SYT6: variants seen among roughly 807,000 people sequenced by gnomAD.
The protein encoded by SYT6 is synaptotagmin-6.
In SYT6, 24 loss-of-function variants were observed where a neutral mutation model predicts 38.4. The ratio of observed to expected loss-of-function variants is 0.62; its 90% CI spans 0.45 to 0.88. SYT6 has a LOEUF of 0.88. Among genes scored for constraint, SYT6 ranks in the 40% least tolerant of loss-of-function variants. The probability of loss-of-function intolerance (pLI) is 0.00; values close to 1 mark genes in which losing one functional copy is unlikely to be tolerated. For synonymous variants in SYT6, 265 were observed against 241.9 expected (o/e 1.10, Z -0.89); for missense variants, 611 against 621.0 (o/e 0.98, Z 0.17).
At chr1:114,151,994 G>A (rs1467651833) in intron 1 of SYT6, among the ~76,000 whole-genome samples, 2 of 152,080 alleles carry the variant, frequency 1.3e-5, no homozygotes, top group Non-Finnish European at 2.9e-5. Context: ...GCCACAACTA[G>A]GGACAGCAGC....
chr1:114,115,895 C>T (rs1252272932), intron 3 of SYT6, among the ~76,000 whole-genome samples: 1 of 152,098 alleles, frequency 6.6e-6, no homozygotes, highest in African/African-American at 2.4e-5. Flanking sequence ...TCCATCCCAC[C>T]CAGCCTCCTC....
At chr1:114,139,551 C>T (rs1678723641) in intron 2 of SYT6, 64 bp downstream of exon 2, 5 of 1,597,506 alleles carry the variant, frequency 3.1e-6, no homozygotes, top group Non-Finnish European at 8.5e-7. Context: ...GGCTGGAATC[C>T]CATAGATGTA....
At chr1:114,132,105 G>GACCATAAGTAAGTTTACATATGTAAAC (rs1176677654) in intron 3 of SYT6, among the ~76,000 whole-genome samples, 19 of 152,222 alleles carry the variant, frequency 1.2e-4, no homozygotes, top group Non-Finnish European at 2.1e-4. Context: ...TATGGGGGAT[G>GACCATAAGTAAGTTTACATATGTAAAC]ACCATAAGTG....
chr1:114,148,859 G>A (rs1679290995), intron 1 of SYT6, among the ~76,000 whole-genome samples: 1 of 152,108 alleles, frequency 6.6e-6, no homozygotes, highest in African/African-American at 2.4e-5. Context: ...GAGAAGAGCT[G>A]GGATTTGAAC....
At chr1:114,113,771 C>T (rs564051243) in intron 3 of SYT6, among the ~76,000 whole-genome samples, 46 of 152,286 alleles carry the variant, frequency 3.0e-4, no homozygotes, top group African/African-American at 1.1e-3. Context: ...TCCCTGCTTC[C>T]CTTGCTCTCC....
rs1337762157 is a variant in SYT6 at position 114,137,880 on chromosome 1, C to A, written c.686G>T (p.Ser229Ile). 5 of 1,613,978 alleles carry A rather than the reference C, an allele frequency of 3.1e-6. No homozygotes were observed. Reference protein sequence around the residue: ...GEDAKSEATKSCGKINFSLRY... With the variant: ...GEDAKSEATKICGKINFSLRY... ...TAGGCTGAAGTTGATCTTCCCGCAG[C>A]TCTTGGTGGCCTCAGACTTGGCATC... is the stretch of plus-strand genomic sequence containing the variant. Residue 229 changes from serine to isoleucine, a missense_variant, in exon 3 of 8, where the codon AGC becomes ATC. By Grantham distance (142) the Ser-to-Ile change is moderately radical. Transcript: ENST00000610222.
intron 7 of SYT6, 103 bp downstream of exon 7, chr1:114,093,632 C>T: frequency 2.7e-6 from 3 of 1,105,180 alleles, no homozygotes; most frequent in Non-Finnish European, 1.3e-6. Context: ...GTGTTCTTTC[C>T]ACTCCATCCT....
chr1:114,135,282 G>T (rs1678409229), intron 3 of SYT6, among the ~76,000 whole-genome samples: 1 of 152,098 alleles, frequency 6.6e-6, no homozygotes, highest in Admixed American at 6.5e-5. Flanking sequence ...TCATCAAGGA[G>T]ACCTTCACCA....
intron 3 of SYT6, among the ~76,000 whole-genome samples, chr1:114,119,266 T>C (rs1677224114): frequency 6.6e-6 from 1 of 152,224 alleles, no homozygotes. Flanking sequence ...CAGGCTAAGC[T>C]GGAATCCCTT....
At chr1:114,131,200 A>G (rs1678124180) in intron 3 of SYT6, among the ~76,000 whole-genome samples, 1 of 152,190 alleles carries the variant, frequency 6.6e-6, no homozygotes, top group Non-Finnish European at 1.5e-5. Flanking sequence ...AGTTGAAGTC[A>G]TATTCCCAGC....
At chr1:114,122,932 C>T (rs1014828084) in intron 3 of SYT6, among the ~76,000 whole-genome samples, 3 of 152,212 alleles carry the variant, frequency 2.0e-5, no homozygotes, top group African/African-American at 4.8e-5. Context: ...AATGCCTGTC[C>T]GGGCCCTGCC....
intron 1 of SYT6, among the ~76,000 whole-genome samples, chr1:114,151,252 C>T (rs1386888081): frequency 6.6e-6 from 1 of 152,198 alleles, no homozygotes; most frequent in Non-Finnish European, 1.5e-5. Flanking sequence ...GGGTCTGCTC[C>T]TGCCTCCCCA....
At chr1:114,122,732 A>C (rs1677491390) in intron 3 of SYT6, among the ~76,000 whole-genome samples, 1 of 152,162 alleles carries the variant, frequency 6.6e-6, no homozygotes, top group South Asian at 2.1e-4. Flanking sequence ...GGCTGCCTGC[A>C]CTTGGATAGG....
intron 3 of SYT6, among the ~76,000 whole-genome samples, chr1:114,105,080 G>C (rs927658564): frequency 3.9e-5 from 6 of 151,946 alleles, no homozygotes; most frequent in African/African-American, 1.5e-4. Flanking sequence ...CAATAAAGGA[G>C]GTAAGTATAT....
intron 7 of SYT6, 96 bp downstream of exon 7, chr1:114,093,639 T>C: frequency 1.7e-6 from 2 of 1,194,408 alleles, no homozygotes; most frequent in Non-Finnish European, 2.4e-6. Flanking sequence ...TTCCACTCCA[T>C]CCTGCTGCTA....
intron 7 of SYT6, among the ~76,000 whole-genome samples, chr1:114,092,332 C>CTG (rs1356649164): frequency 7.2e-6 from 1 of 138,764 alleles, no homozygotes; most frequent in East Asian, 4.8e-4. Flanking sequence ...CTCTCTCTCT[C>CTG]TCTCTCTGTG....
chr1:114,124,804 G>T (rs762063943), intron 3 of SYT6, among the ~76,000 whole-genome samples: 1 of 152,234 alleles, frequency 6.6e-6, no homozygotes. Context: ...CAACATGGGG[G>T]AGGGCTCGGA....
intron 3 of SYT6, among the ~76,000 whole-genome samples, chr1:114,127,284 G>A (rs188618931): frequency 1.3e-4 from 20 of 152,362 alleles, no homozygotes; most frequent in African/African-American, 4.6e-4. Flanking sequence ...CTGCTGCTCA[G>A]CTGTGGGAGT....
chr1:114,148,396 A>G (rs1679262597), intron 1 of SYT6, among the ~76,000 whole-genome samples: 1 of 152,230 alleles, frequency 6.6e-6, no homozygotes, highest in Admixed American at 6.5e-5. Flanking sequence ...AGAAAGAACC[A>G]TTTTCCCTAC....
Sources: gnomAD v4.1 joint callset for allele counts (sites outside exome capture counted in the v4.1 genomes callset) on GRCh38, gnomAD v4.1.1 for gene constraint, MANE v1.5 for transcripts, NCBI Gene and HGNC (gene_info 2026-07-23, HGNC 2026-07-21) for gene names.